LIFR: variants seen among roughly 807,000 people sequenced by gnomAD.
The protein encoded by LIFR is leukemia inhibitory factor receptor.
A neutral mutation model predicts 122.2 loss-of-function variants in LIFR; 84 were observed. The observed-to-expected ratio is 0.69, with a 90% confidence interval of 0.58 to 0.82. The LOEUF is 0.82. Among genes scored for constraint, LIFR ranks in the 40% least tolerant of loss-of-function variants. LIFR has a pLI of 0.00. For synonymous variants in LIFR, 422 were observed against 434.7 expected (o/e 0.97, Z 0.36); for missense variants, 1,294 against 1,311.6 (o/e 0.99, Z 0.21).
rs73749255 is a variant in LIFR at position 38,477,352 on chromosome 5, T to C, written c.*4243A>G. ...CATAAATCATTTTCTTCTATGAAAA[T>C]TTTCTTCTAGAATAAATAAGATGGG... On this transcript the variant is annotated 3_prime_UTR_variant, in exon 20 of 20. Coordinates refer to ENST00000453190, the MANE Select transcript of LIFR (RefSeq NM_001127671.2). 0.027 allele frequency: 5,790 copies of C among 214,846 alleles called. 312 individuals are homozygous for C. The highest frequency in any genetic ancestry group is 0.12 in the African/African-American group (5,200 of 44,386). 13.3% of individuals were successfully genotyped at this position (214,846 alleles called of 1,614,324 possible). A position where few individuals can be genotyped will look rare whatever the true frequency, so the allele number is the denominator to read the frequency against.
chr5:38,585,792 AT>A (rs1749727027), intron 1 of LIFR, among the ~76,000 whole-genome samples: 1 of 152,166 alleles, frequency 6.6e-6, no homozygotes. Context: ...AAATAACATA[AT>A]AATTTTAAAA....
intron 5 of LIFR, among the ~76,000 whole-genome samples, chr5:38,522,421 T>G (rs1746452120): frequency 6.6e-6 from 1 of 152,208 alleles, no homozygotes; most frequent in South Asian, 2.1e-4. Context: ...ATTCCCTATC[T>G]TGGTTCTTCT....
intron 17 of LIFR, 163 bp downstream of exon 17, chr5:38,485,656 G>A (rs1294098402): frequency 2.9e-6 from 2 of 682,908 alleles, no homozygotes; most frequent in East Asian, 5.4e-5. Flanking sequence ...TAAACATGAA[G>A]TAATCTTACA....
rs1335192457 is a variant in LIFR at position 38,477,660 on chromosome 5, G to A, written c.*3935C>T. On this transcript the variant is annotated 3_prime_UTR_variant, in exon 20 of 20. Coordinates refer to ENST00000453190, the MANE Select transcript of LIFR (RefSeq NM_001127671.2). Reference sequence around the variant, plus strand: ...CTCAAACCGTGGAGTCACTTCCGAAGTAGATTTGAATCTTTGAGTCAATAG... The same window carrying A: ...CTCAAACCGTGGAGTCACTTCCGAAATAGATTTGAATCTTTGAGTCAATAG... 1 of 215,298 alleles carries A rather than the reference G, an allele frequency of 4.6e-6. No homozygotes were observed. Among genetic ancestry groups the A allele is most frequent in the Non-Finnish European group, 9.4e-6 (1 of 106,560 alleles). 13.3% of individuals were successfully genotyped at this position (215,298 alleles called of 1,614,324 possible).
chr5:38,545,692 G>C (rs1317543397), intron 1 of LIFR, among the ~76,000 whole-genome samples: 12 of 151,640 alleles, frequency 7.9e-5, no homozygotes, highest in Admixed American at 2.0e-4. Context: ...GAAACCCTGT[G>C]TCTACTAAAA....
chr5:38,589,291 A>G (rs879543580), intron 1 of LIFR, among the ~76,000 whole-genome samples: 11 of 152,240 alleles, frequency 7.2e-5, no homozygotes, highest in Admixed American at 4.6e-4. Context: ...CTTTAAGTGT[A>G]GGGCTAACTC....
chr5:38,568,154 A>G (rs1749089271), intron 1 of LIFR, among the ~76,000 whole-genome samples: 2 of 152,206 alleles, frequency 1.3e-5, no homozygotes, highest in African/African-American at 4.8e-5. Context: ...CATTCTAGAG[A>G]GAGAAAGAGA....
chr5:38,506,451 G>A, intron 8 of LIFR, 52 bp downstream of exon 8: 5 of 1,601,524 alleles, frequency 3.1e-6, no homozygotes, highest in Non-Finnish European at 4.3e-6. Flanking sequence ...CATTTAACAT[G>A]CACTTCCAAC....
rs1293408345 is a variant in LIFR, at chr5:38,481,397, A to C, written c.*198T>G. The stretch of plus-strand genomic sequence containing the variant: ...TCCCAATCTTGAGTTTTGTGGATTG[A>C]GGATTCTGAGTCACTATACTTTGGC... On this transcript the variant is annotated 3_prime_UTR_variant, in exon 20 of 20. Transcript: ENST00000453190. 5 of 617,642 alleles carry C rather than the reference A, an allele frequency of 8.1e-6. No individual in the cohort carries two copies. The African/African-American group carries it at 9.2e-5, about 11-fold the overall frequency. 38.3% of individuals were successfully genotyped at this position (617,642 alleles called of 1,614,324 possible).
intron 1 of LIFR, among the ~76,000 whole-genome samples, chr5:38,569,248 A>G (rs1019258841): frequency 1.3e-5 from 2 of 152,366 alleles, no homozygotes; most frequent in South Asian, 2.1e-4. Flanking sequence ...GTAAAAGTCA[A>G]ATTAGTCTTT....
At chr5:38,499,413 A>G in intron 12 of LIFR, 100 bp downstream of exon 12, 1 of 817,688 alleles carries the variant, frequency 1.2e-6, no homozygotes, top group Non-Finnish European at 2.1e-6. Context: ...AACAAAAGCC[A>G]GTCTGGGAAG....
chr5:38,522,721 G>A (rs1047781383), intron 5 of LIFR, among the ~76,000 whole-genome samples: 1 of 152,150 alleles, frequency 6.6e-6, no homozygotes, highest in African/African-American at 2.4e-5. Context: ...AAGAAAGTAT[G>A]AAATATAGAA....
At chr5:38,554,262 C>T (rs557422496) in intron 1 of LIFR, among the ~76,000 whole-genome samples, 2 of 152,334 alleles carry the variant, frequency 1.3e-5, no homozygotes, top group African/African-American at 4.8e-5. Context: ...TCCCACTTCA[C>T]AGCAAAGATG....
At chr5:38,542,579 C>T (rs1580151853) in intron 1 of LIFR, among the ~76,000 whole-genome samples, 1 of 152,274 alleles carries the variant, frequency 6.6e-6, no homozygotes, top group South Asian at 2.1e-4. Context: ...CATGGCTCTC[C>T]CTGGCCTACA....
intron 1 of LIFR, among the ~76,000 whole-genome samples, chr5:38,578,214 T>C (rs1749455583): frequency 6.9e-6 from 1 of 145,478 alleles, no homozygotes; most frequent in African/African-American, 2.6e-5. Context: ...TTTCTTTTTT[T>C]TTTTTTTTTG....
intron 1 of LIFR, 143 bp from the exon 2 acceptor site, chr5:38,530,809 T>C: frequency 1.3e-6 from 1 of 776,478 alleles, no homozygotes; most frequent in East Asian, 2.7e-5. Flanking sequence ...AAACTCAAGC[T>C]TCCCTGGCTT....
At chr5:38,509,410 CAA>C (rs1421458887) in intron 7 of LIFR, among the ~76,000 whole-genome samples, 1 of 151,888 alleles carries the variant, frequency 6.6e-6, no homozygotes, top group Non-Finnish European at 1.5e-5. Flanking sequence ...ACTGAGCAGA[CAA>C]AAAGAGAGTC....
chr5:38,575,204 GA>G (rs1749344026), intron 1 of LIFR, among the ~76,000 whole-genome samples: 1 of 152,132 alleles, frequency 6.6e-6, no homozygotes, highest in African/African-American at 2.4e-5. Flanking sequence ...ATTCCACTTA[GA>G]AAAAGTTCAA....
At chr5:38,518,883 GT>G (rs1344973652) in intron 5 of LIFR, among the ~76,000 whole-genome samples, 3 of 152,212 alleles carry the variant, frequency 2.0e-5, no homozygotes, top group African/African-American at 7.2e-5. Flanking sequence ...GTGGCAGACT[GT>G]TATACTGATG....
Sources: allele counts gnomAD v4.1 joint callset (sites outside exome capture counted in the v4.1 genomes callset), GRCh38; gene constraint gnomAD v4.1.1; transcripts MANE v1.5; gene names NCBI Gene and HGNC (gene_info 2026-07-23, HGNC 2026-07-21).